The following RIMS2 variants were observed in gnomAD, a reference collection of about 807,000 sequenced individuals.
RIMS2 encodes the protein regulating synaptic membrane exocytosis 2.
In RIMS2, 59 loss-of-function variants were observed where a neutral mutation model predicts 174.4. The ratio of observed to expected loss-of-function variants is 0.34; its 90% confidence interval spans 0.27 to 0.42. RIMS2 has a LOEUF of 0.42. RIMS2 is among the 10% of genes least tolerant of loss of function. RIMS2 has a pLI of 1.00. For missense variants in RIMS2, 1,620 were observed against 1,666.3 expected (o/e 0.97, Z 0.48); for synonymous variants, 606 against 572.5 (o/e 1.06, Z -0.84).
At chr8:103,912,548 GA>G (rs1171882783) in intron 6 of RIMS2, among the ~76,000 whole-genome samples, 1 of 151,866 alleles carries the variant, frequency 6.6e-6, no homozygotes, top group Non-Finnish European at 1.5e-5. Context: ...GAAAACTTGG[GA>G]AATGTAATAT....
intron 19 of RIMS2, among the ~76,000 whole-genome samples, chr8:104,235,272 T>C (rs1243888785): frequency 3.9e-5 from 6 of 152,150 alleles, no homozygotes; most frequent in Non-Finnish European, 1.5e-5. Context: ...TAAGTGAAGA[T>C]GGAAGCCCAG....
At chr8:104,202,289 C>T (rs1206089946) in intron 19 of RIMS2, among the ~76,000 whole-genome samples, 1 of 152,082 alleles carries the variant, frequency 6.6e-6, no homozygotes, top group African/African-American at 2.4e-5. Context: ...CACTTTACAG[C>T]TGAATTTTAT....
At chr8:103,933,497 A>AAAAG (rs1361032182) in intron 12 of RIMS2, among the ~76,000 whole-genome samples, 1 of 152,216 alleles carries the variant, frequency 6.6e-6, no homozygotes, top group Non-Finnish European at 1.5e-5. Context: ...TCAAATAAAA[A>AAAAG]AAAGAGTAAA....
chr8:103,827,204 T>C lies in RIMS2; in HGVS notation c.699-58094T>C, dbSNP rs186954550. Among the ~76,000 whole-genome samples, 45 of 152,284 alleles carry C rather than the reference T, an allele frequency of 3.0e-4. No individual in the cohort carries two copies. In the East Asian group the frequency reaches 7.9e-3, roughly 27 times the overall value. ...TTGTATGACTTTGTGAAAATTTCCG[T>C]AAGTATTTTAAGTTTTTTATCTCAT... On this transcript the variant is annotated intron_variant, in intron 3 of 23. Coordinates refer to ENST00000504942, the Ensembl canonical transcript of RIMS2.
intron 1 of RIMS2, among the ~76,000 whole-genome samples, chr8:103,558,702 A>G (rs559851391): frequency 1.1e-4 from 16 of 152,248 alleles, no homozygotes; most frequent in South Asian, 8.3e-4. Flanking sequence ...AAATATGAAC[A>G]TGGTCACACC....
intron 19 of RIMS2, among the ~76,000 whole-genome samples, chr8:104,166,153 G>A (rs1009270344): frequency 4.3e-4 from 62 of 143,562 alleles, no homozygotes; most frequent in South Asian, 9.4e-4. Context: ...TGCAAGCTCC[G>A]CCTCCCGGGT....
intron 19 of RIMS2, among the ~76,000 whole-genome samples, chr8:104,120,493 G>A (rs998572474): frequency 1.3e-5 from 2 of 151,854 alleles, no homozygotes; most frequent in South Asian, 2.1e-4. Context: ...TAGTAATTTC[G>A]GTATCCATCA....
intron 19 of RIMS2, among the ~76,000 whole-genome samples, chr8:104,204,490 CAGA>C (rs1395349601): frequency 6.6e-6 from 1 of 152,058 alleles, no homozygotes; most frequent in Non-Finnish European, 1.5e-5. Context: ...GGGTGTTGTA[CAGA>C]AGCTGGTGTT....
chr8:104,068,712 A>G (rs758282852), intron 19 of RIMS2, 100 bp downstream of exon 23: 1 of 654,908 alleles, frequency 1.5e-6, no homozygotes, highest in Non-Finnish European at 2.7e-6. Context: ...ACACAAACAT[A>G]TAATGCCATG....
chr8:103,771,563 G>A (rs188092935), intron 3 of RIMS2, among the ~76,000 whole-genome samples: 65 of 152,162 alleles, frequency 4.3e-4, no homozygotes, highest in Non-Finnish European at 6.9e-4. Flanking sequence ...AGAAGACCTA[G>A]GCCCTGTTCT....
chr8:103,794,288 A>C (rs2098530966), intron 3 of RIMS2, among the ~76,000 whole-genome samples: 1 of 152,152 alleles, frequency 6.6e-6, no homozygotes, highest in East Asian at 1.9e-4. Flanking sequence ...ACACATCTAA[A>C]ACCATCTGAT....
intron 19 of RIMS2, among the ~76,000 whole-genome samples, chr8:104,241,668 G>A (rs2099297216): frequency 6.6e-6 from 1 of 152,120 alleles, no homozygotes; most frequent in South Asian, 2.1e-4. Flanking sequence ...TTTCACAAGA[G>A]CGCTGTTCAC....
At chr8:103,568,065 C>G (rs2092512165) in intron 1 of RIMS2, among the ~76,000 whole-genome samples, 1 of 152,006 alleles carries the variant, frequency 6.6e-6, no homozygotes, top group Non-Finnish European at 1.5e-5. Flanking sequence ...CCCAGGAGTT[C>G]AAGACCAGCT....
chr8:103,631,380 C>T (rs145270049), intron 1 of RIMS2, among the ~76,000 whole-genome samples: 108 of 152,242 alleles, frequency 7.1e-4, no homozygotes, highest in East Asian at 5.0e-3. Flanking sequence ...TCATTTATTG[C>T]GTAGAGATTC....
chr8:103,881,230 A>C (rs1164766864), intron 3 of RIMS2, among the ~76,000 whole-genome samples: 1 of 151,576 alleles, frequency 6.6e-6, no homozygotes. Flanking sequence ...TAAAAATTGC[A>C]TATTTCTACA....
At chr8:104,187,810 G>C (rs1429842273) in intron 19 of RIMS2, among the ~76,000 whole-genome samples, 1 of 151,682 alleles carries the variant, frequency 6.6e-6, no homozygotes, top group South Asian at 2.1e-4. Flanking sequence ...ACTTCAGCTT[G>C]ATAAAATTTT....
intron 14 of RIMS2, among the ~76,000 whole-genome samples, chr8:103,955,288 A>G (rs188520691): frequency 2.2e-4 from 34 of 152,282 alleles, no homozygotes; most frequent in Non-Finnish European, 3.5e-4. Context: ...CCTGGCAGAG[A>G]CACAACAAAA....
intron 1 of RIMS2, among the ~76,000 whole-genome samples, chr8:103,676,838 G>A (rs1203978739): frequency 6.6e-6 from 1 of 152,054 alleles, no homozygotes; most frequent in Non-Finnish European, 1.5e-5. Flanking sequence ...CAAAAAATTA[G>A]CCAGGCATGG....
intron 1 of RIMS2, among the ~76,000 whole-genome samples, chr8:103,602,495 C>T (rs766927898): frequency 6.6e-6 from 1 of 151,880 alleles, no homozygotes; most frequent in South Asian, 2.1e-4. Flanking sequence ...GTCTTTTGTT[C>T]CCCTCCTAGT....
Sources: allele counts gnomAD v4.1 joint callset (sites outside exome capture counted in the v4.1 genomes callset), GRCh38; gene constraint gnomAD v4.1.1; transcripts MANE v1.5; gene names NCBI Gene and HGNC (gene_info 2026-07-23, HGNC 2026-07-21).